RNGTT: variants seen among roughly 807,000 people sequenced by gnomAD.
RNGTT encodes RNA guanylyltransferase and 5'-phosphatase, also known as mRNA-capping enzyme.
In RNGTT, 33 loss-of-function variants were observed where a neutral mutation model predicts 79.3. The ratio of observed to expected loss-of-function variants is 0.42; its 90% CI spans 0.32 to 0.56. The LOEUF is 0.56. Among genes scored for constraint, RNGTT ranks in the 20% least tolerant of loss-of-function variants. The probability of loss-of-function intolerance (pLI) is 0.17; values close to 1 mark genes in which losing one functional copy is unlikely to be tolerated. For synonymous variants in RNGTT, 222 were observed against 235.9 expected, an observed-to-expected ratio of 0.94 and a Z score of 0.54; for missense variants, 497 against 739.1, an observed-to-expected ratio of 0.67 and a Z score of 3.80.
intron 12 of RNGTT, among the ~76,000 whole-genome samples, chr6:88,801,064 A>G (rs756632051): frequency 1.3e-5 from 2 of 152,226 alleles, no homozygotes; most frequent in Non-Finnish European, 2.9e-5. Context: ...AAGTTGGTAA[A>G]AGTTCTTCAG....
intron 14 of RNGTT, among the ~76,000 whole-genome samples, chr6:88,663,080 C>T (rs1774251394): frequency 6.6e-6 from 1 of 152,184 alleles, no homozygotes; most frequent in Admixed American, 6.5e-5. Flanking sequence ...ATTCCTTATC[C>T]ATACTTTGAT....
At chr6:88,828,247 A>ACTC (rs1398446011) in intron 11 of RNGTT, among the ~76,000 whole-genome samples, 1 of 152,184 alleles carries the variant, frequency 6.6e-6, no homozygotes. Flanking sequence ...ACCCAGGCAA[A>ACTC]CAGGGTCTGG....
At chr6:88,781,351 T>C (rs1779057396) in intron 12 of RNGTT, among the ~76,000 whole-genome samples, 1 of 152,210 alleles carries the variant, frequency 6.6e-6, no homozygotes. Flanking sequence ...TATCACCAGG[T>C]TCTACAGTAA....
rs180672942 is a variant in RNGTT, at chr6:88,923,379, A to G, written c.367+5606T>C. On this transcript the variant is annotated intron_variant, in intron 4 of 15. Coordinates refer to ENST00000369485, the MANE Select transcript of RNGTT (RefSeq NM_003800.5). ...GTAGTCTTGATGAGTCAAGAGAAAC[A>G]CTTTTAAGGATCTTGAGAAATACCA... Among the ~76,000 whole-genome samples the G allele has an allele frequency of 2.8e-3, 430 of 152,304 alleles. 1 individual carries two copies. Among genetic ancestry groups the G allele is most frequent in the African/African-American group, 9.6e-3 (401 of 41,568 alleles).
At chr6:88,708,992 A>C (rs564132659) in intron 13 of RNGTT, among the ~76,000 whole-genome samples, 1 of 152,274 alleles carries the variant, frequency 6.6e-6, no homozygotes, top group African/African-American at 2.4e-5. Flanking sequence ...CTCTAGAGGA[A>C]GGAAGATGAA....
intron 1 of RNGTT, among the ~76,000 whole-genome samples, chr6:88,954,465 G>A (rs1785360303): frequency 6.6e-6 from 1 of 151,946 alleles, no homozygotes; most frequent in Non-Finnish European, 1.5e-5. Flanking sequence ...CCTAACCCTG[G>A]AGCTCCAAAA....
At chr6:88,726,887 TG>T (rs1776926334) in intron 13 of RNGTT, among the ~76,000 whole-genome samples, 1 of 152,008 alleles carries the variant, frequency 6.6e-6, no homozygotes, top group Non-Finnish European at 1.5e-5. Context: ...AAGTTAACAG[TG>T]TAACATGCAT....
intron 9 of RNGTT, among the ~76,000 whole-genome samples, chr6:88,850,888 T>A (rs1781648543): frequency 6.6e-6 from 1 of 152,006 alleles, no homozygotes; most frequent in Non-Finnish European, 1.5e-5. Context: ...ACGCTTCAGA[T>A]ATAAAGAATA....
At chr6:88,734,862 T>C (rs576149373) in intron 13 of RNGTT, among the ~76,000 whole-genome samples, 41 of 152,280 alleles carry the variant, frequency 2.7e-4, no homozygotes, top group African/African-American at 9.6e-4. Flanking sequence ...TGTTAGATGA[T>C]TTTGACCATA....
intron 14 of RNGTT, among the ~76,000 whole-genome samples, chr6:88,654,537 T>C (rs532681387): frequency 6.6e-6 from 1 of 152,328 alleles, no homozygotes; most frequent in East Asian, 1.9e-4. Flanking sequence ...AAACAGAAAA[T>C]GGTTTTACTT....
intron 14 of RNGTT, among the ~76,000 whole-genome samples, chr6:88,628,962 T>C (rs1772738862): frequency 1.3e-5 from 2 of 152,154 alleles, no homozygotes; most frequent in African/African-American, 2.4e-5. Context: ...CTGAGTTTAA[T>C]GTAATATAAT....
intron 13 of RNGTT, among the ~76,000 whole-genome samples, chr6:88,715,115 A>T (rs1776462086): frequency 6.6e-6 from 1 of 152,216 alleles, no homozygotes; most frequent in South Asian, 2.1e-4. Context: ...ACTTCAGCAA[A>T]GTCTCAGGAT....
At chr6:88,797,794 G>A (rs189249517) in intron 12 of RNGTT, among the ~76,000 whole-genome samples, 120 of 152,010 alleles carry the variant, frequency 7.9e-4, no homozygotes, top group South Asian at 5.0e-3. Flanking sequence ...ACAATAGAAT[G>A]ACAGAAGGAG....
intron 14 of RNGTT, among the ~76,000 whole-genome samples, chr6:88,662,016 G>GC (rs1774205413): frequency 1.3e-5 from 2 of 152,254 alleles, no homozygotes; most frequent in African/African-American, 4.8e-5. Context: ...TTTAACATAT[G>GC]CAAGTTAATA....
chr6:88,642,986 A>G (rs1773381243), intron 14 of RNGTT, among the ~76,000 whole-genome samples: 1 of 152,214 alleles, frequency 6.6e-6, no homozygotes, highest in Admixed American at 6.5e-5. Flanking sequence ...CCAAAAGGGA[A>G]GTACAAATGC....
chr6:88,717,403 G>T (rs1216737053), intron 13 of RNGTT, among the ~76,000 whole-genome samples: 2 of 152,142 alleles, frequency 1.3e-5, no homozygotes, highest in East Asian at 3.8e-4. Flanking sequence ...AATATCTCAA[G>T]AAATACGCAC....
At chr6:88,719,901 T>C (rs1290762195) in intron 13 of RNGTT, among the ~76,000 whole-genome samples, 1 of 152,214 alleles carries the variant, frequency 6.6e-6, no homozygotes, top group Non-Finnish European at 1.5e-5. Context: ...AAAAAGCCAT[T>C]CGTGTTTAAT....
chr6:88,632,535 A>G (rs983341532), intron 14 of RNGTT, among the ~76,000 whole-genome samples: 1 of 96,622 alleles, frequency 1.0e-5, no homozygotes, highest in Non-Finnish European at 2.0e-5. Flanking sequence ...ACAGACACAC[A>G]GACACACAGA....
At chr6:88,748,200 A>G (rs940978685) in intron 13 of RNGTT, among the ~76,000 whole-genome samples, 2 of 152,148 alleles carry the variant, frequency 1.3e-5, no homozygotes, top group Admixed American at 6.6e-5. Context: ...ATCGAATGTC[A>G]GTTATCATCC....
Sources: allele counts gnomAD v4.1 joint callset (sites outside exome capture counted in the v4.1 genomes callset), GRCh38; gene constraint gnomAD v4.1.1; transcripts MANE v1.5; gene names NCBI Gene and HGNC (gene_info 2026-07-23, HGNC 2026-07-21).